The following HERC1 variants were observed in gnomAD, a reference collection of about 807,000 sequenced individuals.
The protein encoded by HERC1 is probable E3 ubiquitin-protein ligase HERC1.
In HERC1, 160 loss-of-function variants were observed where a neutral mutation model predicts 554.3. That is an observed-to-expected ratio of 0.29 (90% confidence interval 0.25 to 0.33). The LOEUF is 0.33. Among genes scored for constraint, HERC1 ranks in the 10% least tolerant of loss-of-function variants. HERC1 has a pLI of 1.00. For missense variants in HERC1, 4,919 were observed against 5,918.5 expected, an observed-to-expected ratio of 0.83 and a Z score of 5.54; for synonymous variants, 2,175 against 2,131.7, an observed-to-expected ratio of 1.02 and a Z score of -0.56.
chr15:63,811,803 C>T (rs1300211265), intron 1 of HERC1, among the ~76,000 whole-genome samples: 7 of 124,930 alleles, frequency 5.6e-5, no homozygotes, highest in Non-Finnish European at 8.4e-5. Flanking sequence ...AGTGAGACTC[C>T]GTCTCCAAAA....
intron 26 of HERC1, among the ~76,000 whole-genome samples, chr15:63,696,585 A>G (rs1441568558): frequency 1.3e-5 from 2 of 152,200 alleles, no homozygotes; most frequent in Non-Finnish European, 2.9e-5. Flanking sequence ...TGTAGGAGAC[A>G]TGGTTTCAAG....
At chr15:63,663,307 G>A in intron 43 of HERC1, 103 bp from the exon 44 acceptor site, 1 of 923,834 alleles carries the variant, frequency 1.1e-6, no homozygotes, top group South Asian at 1.6e-5. Context: ...ACCTATCTCA[G>A]TTGTCTTATT....
intron 18 of HERC1, among the ~76,000 whole-genome samples, chr15:63,723,977 CA>C (rs1314868800): frequency 1.3e-5 from 2 of 152,046 alleles, no homozygotes; most frequent in Non-Finnish European, 2.9e-5. Flanking sequence ...GGGCTAGTAT[CA>C]AAAATCAATT....
intron 1 of HERC1, among the ~76,000 whole-genome samples, chr15:63,794,909 T>C (rs2076764333): frequency 1.3e-5 from 2 of 151,844 alleles, no homozygotes; most frequent in East Asian, 3.9e-4. Flanking sequence ...CTACTAAAAA[T>C]ACAAAAATTA....
At chr15:63,832,551 C>T (rs1429559377) in intron 1 of HERC1, among the ~76,000 whole-genome samples, 2 of 152,266 alleles carry the variant, frequency 1.3e-5, no homozygotes, top group Middle Eastern at 3.4e-3. Flanking sequence ...ACAAATACTG[C>T]CCCATTTTGA....
chr15:63,707,354 A>T (rs1024644911), intron 24 of HERC1, among the ~76,000 whole-genome samples: 2 of 152,236 alleles, frequency 1.3e-5, no homozygotes, highest in South Asian at 2.1e-4. Context: ...ATGTCTTTTT[A>T]AAAAACCTAT....
chr15:63,708,142 A>G (rs1387234937), intron 24 of HERC1, among the ~76,000 whole-genome samples: 1 of 152,170 alleles, frequency 6.6e-6, no homozygotes, highest in Admixed American at 6.5e-5. Flanking sequence ...CCAAATAGTC[A>G]TCATAAAGCT....
intron 12 of HERC1, among the ~76,000 whole-genome samples, chr15:63,740,115 G>A (rs763606539): frequency 6.6e-6 from 1 of 151,966 alleles, no homozygotes; most frequent in African/African-American, 2.4e-5. Flanking sequence ...TTCACCATTT[G>A]GCCAGGCTGG....
intron 1 of HERC1, among the ~76,000 whole-genome samples, chr15:63,793,862 T>A (rs1279471229): frequency 6.6e-6 from 1 of 152,142 alleles, no homozygotes; most frequent in Non-Finnish European, 1.5e-5. Context: ...GGCTGAGACC[T>A]ACTGGGCTGC....
intron 1 of HERC1, among the ~76,000 whole-genome samples, chr15:63,820,698 T>C (rs914716251): frequency 2.0e-5 from 3 of 152,076 alleles, no homozygotes; most frequent in Non-Finnish European, 4.4e-5. Context: ...TTTTTTTTGC[T>C]TTTGAGACAA....
At chr15:63,744,158 GTGTGTGTC>G (rs1277684086) in intron 12 of HERC1, among the ~76,000 whole-genome samples, 117 of 42,262 alleles carry the variant, frequency 2.8e-3, no homozygotes, top group Non-Finnish European at 7.0e-3. Context: ...GTGTGTGTGT[GTGTGTGTC>G]TCTCTCTCTC....
intron 59 of HERC1, among the ~76,000 whole-genome samples, chr15:63,642,363 G>A (rs1334315469): frequency 6.6e-6 from 1 of 151,974 alleles, no homozygotes; most frequent in African/African-American, 2.4e-5. Flanking sequence ...TTTGGGATGG[G>A]CTCTCACTCT....
rs771894508 is a variant in HERC1 at position 63,677,972 on chromosome 15, C to T, written c.6943G>A (p.Ala2315Thr). The T allele has an allele frequency of 5.6e-6, 9 of 1,613,876 alleles. No homozygotes were observed. The South Asian group carries it at 7.7e-5, about 14-fold the overall frequency. The change falls in exon 37 of 78, where the codon GCT becomes ACT. Residue 2315 changes from alanine to threonine, a missense_variant. Transcript: ENST00000443617. This position sits in a 1 kb window ranked among gnomAD's most constrained non-coding sequence, Gnocchi z 4.4. ...CACCGACCTCCAACTCTAAGACCAG[C>T]ATCAACTCCTCCTATCACAGCCAGC... ...PVLAVIGGVD[A>T]GLRVGGRCVH...
At chr15:63,735,682 C>T (rs1384304239) in intron 12 of HERC1, among the ~76,000 whole-genome samples, 1 of 152,096 alleles carries the variant, frequency 6.6e-6, no homozygotes, top group Non-Finnish European at 1.5e-5. Context: ...TCAGTAAAAA[C>T]AGTGTTGGAC....
chr15:63,830,586 G>A (rs552513058), intron 1 of HERC1, among the ~76,000 whole-genome samples: 10 of 152,286 alleles, frequency 6.6e-5, no homozygotes, highest in African/African-American at 2.2e-4. Flanking sequence ...AGTCAATAGA[G>A]TTACACCAAT....
At chr15:63,627,508 T>C (rs2068350940) in intron 70 of HERC1, among the ~76,000 whole-genome samples, 2 of 152,046 alleles carry the variant, frequency 1.3e-5, no homozygotes, top group Admixed American at 1.3e-4. Flanking sequence ...ACACCATCTC[T>C]ACTAAAAATA....
Position 63,677,936 on chromosome 15 carries a change from G to A in HERC1, c.6979C>T (p.Gln2327Ter), listed in dbSNP as rs2071288849. ...AGCAGCGTGGCATGGCGCCCAGTTT[G>A]CTTGTGAACACACCGACCTCCAACT... ...LRVGGRCVHK[Q>*]TGRHATLLGV... The change falls in exon 37 of 78, where the codon CAA becomes TAA. Residue 2327 changes from glutamine (Q) to a stop codon, truncating the protein, a stop_gained. Transcript: ENST00000443617. LOFTEE classifies it high-confidence loss of function. This position sits in a 1 kb window ranked among gnomAD's most constrained non-coding sequence, Gnocchi z 4.4. The A allele has an allele frequency of 6.2e-7, 1 of 1,613,876 alleles. No individual in the cohort carries two copies. Among genetic ancestry groups the A allele is most frequent in the Admixed American group, 1.7e-5 (1 of 60,000 alleles).
In HERC1 at chr15:63,717,749, G is replaced by A. The variant is rs144593316; in HGVS notation, c.3978+825C>T. Among the ~76,000 whole-genome samples the A allele has an allele frequency of 8.2e-3, 1,250 of 152,262 alleles. 23 individuals carry two copies. Among genetic ancestry groups the A allele is most frequent in the African/African-American group, 0.029 (1,197 of 41,540 alleles). On this transcript the variant is annotated intron_variant, in intron 21 of 77. Coordinates refer to ENST00000443617, the MANE Select transcript of HERC1 (RefSeq NM_003922.4). ...TAGCAGGGCGTGGTGGTGCATGCCT[G>A]TAATCCCAGCTACTCGGGAGGCTGA...
intron 1 of HERC1, among the ~76,000 whole-genome samples, chr15:63,791,608 C>A (rs2076655612): frequency 6.6e-6 from 1 of 152,116 alleles, no homozygotes; most frequent in South Asian, 2.1e-4. Context: ...TATGTTGTGG[C>A]AAATGAAAGT....
Sources: gnomAD v4.1 joint callset for allele counts (sites outside exome capture counted in the v4.1 genomes callset) on GRCh38, gnomAD v4.1.1 for gene constraint, Gnocchi (gnomAD v3.1) non-coding constraint, MANE v1.5 for transcripts, NCBI Gene and HGNC (gene_info 2026-07-23, HGNC 2026-07-21) for gene names.